Variants in MAP4K5 observed in about 807,000 individuals in gnomAD.
MAP4K5 encodes the protein MAPK/ERK kinase kinase kinase 5.
MAP4K5 carries 82 observed loss-of-function variants against 135.6 expected under a neutral mutation model. The ratio of observed to expected loss-of-function variants is 0.60; its 90% CI spans 0.51 to 0.73. The LOEUF (loss-of-function observed/expected upper bound fraction) is 0.73, where lower values mean the gene tolerates loss of function less well. Ranked by LOEUF, MAP4K5 falls within the 30% of genes least tolerant of loss-of-function variation. The probability of loss-of-function intolerance (pLI) is 0.00; values close to 1 mark genes in which losing one functional copy is unlikely to be tolerated. For missense variants in MAP4K5, 907 were observed against 1,010.9 expected (o/e 0.90, Z 1.39); for synonymous variants, 347 against 335.0 (o/e 1.04, Z -0.39).
intron 30 of MAP4K5, 78 bp downstream of exon 30, chr14:50,428,584 T>C (rs1337909899): frequency 3.7e-6 from 3 of 801,396 alleles, no homozygotes; most frequent in Non-Finnish European, 5.8e-6. Flanking sequence ...AGTGCTGGTC[T>C]AGACAACCCT....
chr14:50,521,895 A>G (rs1459659182), intron 2 of MAP4K5, among the ~76,000 whole-genome samples: 1 of 152,216 alleles, frequency 6.6e-6, no homozygotes, highest in Non-Finnish European at 1.5e-5. Flanking sequence ...AAAACTCTCC[A>G]TATACAAATA....
At chr14:50,524,664 A>C (rs1316162907) in intron 2 of MAP4K5, among the ~76,000 whole-genome samples, 1 of 152,106 alleles carries the variant, frequency 6.6e-6, no homozygotes, top group Non-Finnish European at 1.5e-5. Context: ...AGGCGATAAG[A>C]TGGAAGAGAA....
chr14:50,540,474 C>G (rs772571822), intron 2 of MAP4K5, among the ~76,000 whole-genome samples: 1 of 152,116 alleles, frequency 6.6e-6, no homozygotes, highest in Non-Finnish European at 1.5e-5. Context: ...CATAGTGCAG[C>G]CAGGTATAAA....
rs545843350 is a variant in MAP4K5 at position 50,439,806 on chromosome 14, G to C, written c.1705+207C>G. Among the ~76,000 whole-genome samples, 20 of 152,126 alleles carry C rather than the reference G, an allele frequency of 1.3e-4. No homozygotes were observed. In the South Asian group the frequency reaches 3.7e-3, roughly 28 times the overall value. On this transcript the variant is annotated intron_variant, in intron 23 of 32. Transcript: ENST00000682126. The stretch of plus-strand genomic sequence containing the variant: ...CCTTCAGGTGTTTAGATGCTGGGTG[G>C]GTTTGGAAAGTGCAGCCCTAACTGA...
intron 30 of MAP4K5, 64 bp from the exon 31 acceptor site, chr14:50,426,041 T>C: frequency 3.8e-6 from 4 of 1,049,216 alleles, no homozygotes; most frequent in Non-Finnish European, 5.8e-6. Flanking sequence ...ATAAATTTTC[T>C]CTACTTTTAA....
chr14:50,531,626 C>A (rs2038391456), intron 2 of MAP4K5, among the ~76,000 whole-genome samples: 1 of 152,208 alleles, frequency 6.6e-6, no homozygotes, highest in African/African-American at 2.4e-5. Context: ...AACACTAGAG[C>A]ATCCTTCGGT....
At chr14:50,443,586 T>C (rs1467214846) in intron 20 of MAP4K5, 143 bp downstream of exon 20, 5 of 685,656 alleles carry the variant, frequency 7.3e-6, no homozygotes, top group Non-Finnish European at 1.2e-5. Flanking sequence ...TTAGAATACA[T>C]GATGAGATAT....
intron 12 of MAP4K5, among the ~76,000 whole-genome samples, chr14:50,463,664 A>G (rs1163572952): frequency 6.6e-6 from 1 of 151,952 alleles, no homozygotes; most frequent in Non-Finnish European, 1.5e-5. Context: ...CGGGTGGATC[A>G]TTTGAGGTCA....
rs921409349 is a variant in MAP4K5 at position 50,485,650 on chromosome 14, A to G, written c.258-8T>C. On this transcript the variant is annotated splice_region_variant and splice_polypyrimidine_tract_variant and intron_variant, in intron 4 of 32. Transcript: ENST00000682126. ...ATCCATAGTTTTTCCCGACTAATAC[A>G]AAAAAAAAAGAAAATTATATTAGCT... The G allele has an allele frequency of 1.4e-5, 16 of 1,172,882 alleles. No individual in the cohort carries two copies. Among genetic ancestry groups the G allele is most frequent in the Non-Finnish European group, 1.9e-5 (16 of 859,734 alleles). The allele number at this position is 1,172,882 out of a possible 1,614,324, so 72.7% of individuals were successfully genotyped here. A position where few individuals can be genotyped will look rare whatever the true frequency, so the allele number is the denominator to read the frequency against.
At chr14:50,450,666 A>G (rs375762781) in intron 14 of MAP4K5, 1 of 152,236 alleles carries the variant, frequency 6.6e-6, no homozygotes, top group East Asian at 1.9e-4. Context: ...TATGCAAGTT[A>G]TCTCAGAAAA....
At chr14:50,423,497 A>G (rs1473448877) in intron 31 of MAP4K5, among the ~76,000 whole-genome samples, 1 of 152,028 alleles carries the variant, frequency 6.6e-6, no homozygotes, top group Non-Finnish European at 1.5e-5. Context: ...GGGTAGACTC[A>G]AGACTTGAAT....
At chr14:50,442,598 T>C in intron 21 of MAP4K5, 134 bp downstream of exon 21, 1 of 628,386 alleles carries the variant, frequency 1.6e-6, no homozygotes, top group Non-Finnish European at 2.8e-6. Context: ...CCTATTTAGG[T>C]TGTTGCAGGT....
intron 27 of MAP4K5, 94 bp from the exon 28 acceptor site, chr14:50,434,665 C>T: frequency 9.4e-7 from 1 of 1,058,754 alleles, no homozygotes; most frequent in Non-Finnish European, 1.4e-6. Context: ...CTCCTATCTT[C>T]TTCATTTATC....
chr14:50,530,130 T>A (rs1270226488), intron 2 of MAP4K5, among the ~76,000 whole-genome samples: 2 of 151,816 alleles, frequency 1.3e-5, no homozygotes. Flanking sequence ...ATTGTGAGGG[T>A]AGAGGAAGCA....
At chr14:50,480,790 GC>G (rs1245456236) in intron 6 of MAP4K5, among the ~76,000 whole-genome samples, 3 of 152,128 alleles carry the variant, frequency 2.0e-5, no homozygotes, top group African/African-American at 7.2e-5. Flanking sequence ...TATATGTATA[GC>G]CCTATTGTTC....
intron 3 of MAP4K5, among the ~76,000 whole-genome samples, chr14:50,492,055 G>A (rs2037495893): frequency 6.6e-6 from 1 of 151,960 alleles, no homozygotes; most frequent in South Asian, 2.1e-4. Context: ...TTTTCCATTT[G>A]TTATTTCATC....
chr14:50,488,704 G>T (rs1206638929), intron 3 of MAP4K5, among the ~76,000 whole-genome samples: 1 of 152,192 alleles, frequency 6.6e-6, no homozygotes, highest in South Asian at 2.1e-4. Context: ...TATCAGGCAA[G>T]GTGAGGTCTT....
In MAP4K5 at chr14:50,462,181, T is replaced by A. The variant is rs560168738; in HGVS notation, c.936+484A>T. 7.2e-5 allele frequency among the ~76,000 whole-genome samples: 11 copies of A among 152,366 alleles called. No homozygotes were observed. In the South Asian group the frequency reaches 2.3e-3, roughly 32 times the overall value. Reference sequence around the variant, plus strand: ...AAATAATATGCATATGTGTTGTGGCTACACTTTTGTTTTCTTGGTTGAAAG... The same window carrying A: ...AAATAATATGCATATGTGTTGTGGCAACACTTTTGTTTTCTTGGTTGAAAG... On this transcript the variant is annotated intron_variant, in intron 13 of 32. Transcript: ENST00000682126.
At chr14:50,484,941 T>C (rs1481238889) in intron 5 of MAP4K5, among the ~76,000 whole-genome samples, 2 of 152,154 alleles carry the variant, frequency 1.3e-5, no homozygotes, top group Non-Finnish European at 2.9e-5. Flanking sequence ...TACTATCCCA[T>C]ATCCATGTTA....
Sources: allele counts gnomAD v4.1 joint callset (sites outside exome capture counted in the v4.1 genomes callset), GRCh38; gene constraint gnomAD v4.1.1; transcripts MANE v1.5; gene names NCBI Gene and HGNC (gene_info 2026-07-23, HGNC 2026-07-21).